CFAP44: variants seen among roughly 807,000 people sequenced by gnomAD.
CFAP44 encodes the protein cilia- and flagella-associated protein 44.
CFAP44 carries 134 observed loss-of-function variants against 216.2 expected under a neutral mutation model. That is an observed-to-expected ratio of 0.62 (90% CI 0.54 to 0.72). CFAP44 has a LOEUF of 0.72. Among genes scored for constraint, CFAP44 ranks in the 30% least tolerant of loss-of-function variants. The probability of loss-of-function intolerance (pLI) is 0.00; values close to 1 mark genes in which losing one functional copy is unlikely to be tolerated. For missense variants in CFAP44, 2,035 were observed against 2,182.1 expected (o/e 0.93, Z 1.34); for synonymous variants, 700 against 727.6 (o/e 0.96, Z 0.61).
At chr3:113,419,974 A>G (rs764131000) in intron 5 of CFAP44, 43 bp downstream of exon 5, 1 of 1,599,554 alleles carries the variant, frequency 6.3e-7, no homozygotes, top group South Asian at 1.1e-5. Flanking sequence ...AAGCAAAAAG[A>G]TAGGGTTTTT....
intron 34 of CFAP44, chr3:113,294,206 C>A: frequency 2.8e-6 from 1 of 357,184 alleles, no homozygotes; most frequent in Non-Finnish European, 5.5e-6. Context: ...CCACCACATA[C>A]AATGTATTAA....
chr3:113,304,876 C>T (rs1949970276), intron 31 of CFAP44, among the ~76,000 whole-genome samples, 160 bp downstream of exon 31: 1 of 152,214 alleles, frequency 6.6e-6, no homozygotes, highest in South Asian at 2.1e-4. Context: ...TTATAACAAT[C>T]TGACAGTGGA....
chr3:113,312,137 TTGCCACTCACTGCAAGCTC>T (rs1467662979), intron 28 of CFAP44, among the ~76,000 whole-genome samples: 1 of 149,774 alleles, frequency 6.7e-6, no homozygotes, highest in Non-Finnish European at 1.5e-5. Flanking sequence ...AGTGGCACCA[TTGCCACTCACTGCAAGCTC>T]TGCCTCCTGG....
intron 22 of CFAP44, among the ~76,000 whole-genome samples, chr3:113,353,772 G>T (rs1345086468): frequency 6.6e-6 from 1 of 152,202 alleles, no homozygotes; most frequent in African/African-American, 2.4e-5. Context: ...GAGTCAGAGA[G>T]AGAGAACCAG....
In CFAP44 at chr3:113,373,124, T is replaced by C. The variant is rs890493904; in HGVS notation, c.2444+287A>G. On this transcript the variant is annotated intron_variant, in intron 18 of 34. Coordinates refer to ENST00000393845, the MANE Select transcript of CFAP44 (RefSeq NM_001164496.2). ...CCAGAATAACTGTAACCCTGAACCT[T>C]CATTTCTGACTATGTAAGTAGCATC... is the stretch of plus-strand genomic sequence containing the variant. 8.0e-4 allele frequency among the ~76,000 whole-genome samples: 122 copies of C among 152,224 alleles called. 2 individuals are homozygous for C. The highest frequency in any genetic ancestry group is 8.0e-3 in the Admixed American group (122 of 15,278).
rs1576586772 is a variant in CFAP44 at position 113,392,769 on chromosome 3, T to C, written c.1890+2981A>G. On this transcript the variant is annotated intron_variant, in intron 15 of 34. Coordinates refer to ENST00000393845, the MANE Select transcript of CFAP44 (RefSeq NM_001164496.2). ...ATTCTGGCTTTAGTGACAGGGAAAATGAAGTCCAAGAATAATACGGGAGGA... is the reference window on the plus strand; with the variant it reads ...ATTCTGGCTTTAGTGACAGGGAAAACGAAGTCCAAGAATAATACGGGAGGA... 2.0e-5 allele frequency among the ~76,000 whole-genome samples: 3 copies of C among 152,114 alleles called. No homozygotes were observed. The East Asian group carries it at 5.8e-4, about 29-fold the overall frequency.
intron 28 of CFAP44, among the ~76,000 whole-genome samples, chr3:113,312,157 T>C (rs529854793): frequency 2.0e-5 from 3 of 150,658 alleles, no homozygotes; most frequent in South Asian, 4.2e-4. Flanking sequence ...CTGCAAGCTC[T>C]GCCTCCTGGG....
At chr3:113,325,635 T>C (rs1424912041) in intron 28 of CFAP44, among the ~76,000 whole-genome samples, 2 of 152,042 alleles carry the variant, frequency 1.3e-5, no homozygotes, top group African/African-American at 4.8e-5. Context: ...AGATACCAGT[T>C]GTCTCCAAGT....
intron 22 of CFAP44, among the ~76,000 whole-genome samples, chr3:113,358,489 C>A (rs11715515): frequency 0.075 from 11,423 of 151,928 alleles, 594 homozygotes; most frequent in Non-Finnish European, 0.11. Context: ...AATAATTCAT[C>A]AAAACAAAGT....
In CFAP44 at chr3:113,416,509, AT is replaced by A; in HGVS notation, c.673+15del. ...ATCCTTGAACATGAAATATTTAAAT[AT>A]GCTTCTGGACTCACCTCGAAGGACT... On this transcript the variant is annotated intron_variant, in intron 6 of 34. Transcript: ENST00000393845. 6.5e-7 allele frequency: 1 copy of A among 1,547,012 alleles called. No homozygotes were observed. Among genetic ancestry groups the A allele is most frequent in the African/African-American group, 1.4e-5 (1 of 73,070 alleles).
rs1301982335 is a variant in CFAP44, at chr3:113,437,763, T to C, written c.-6+3690A>G. 7.9e-5 allele frequency among the ~76,000 whole-genome samples: 12 copies of C among 152,124 alleles called. No individual in the cohort carries two copies. In the East Asian group the frequency reaches 1.9e-3, roughly 24 times the overall value. On this transcript the variant is annotated intron_variant, in intron 1 of 34. Coordinates refer to ENST00000393845, the MANE Select transcript of CFAP44 (RefSeq NM_001164496.2). ...GAGATTATCAGTATAACTGGTAAGG[T>C]AGAATAAGGTATTTTTGGTTTTTTG... is the stretch of plus-strand genomic sequence containing the variant.
intron 14 of CFAP44, 76 bp downstream of exon 14, chr3:113,396,442 T>C (rs1404282212): frequency 6.2e-6 from 9 of 1,441,726 alleles, no homozygotes; most frequent in Admixed American, 2.1e-5. Context: ...AAATAAGACA[T>C]GATGAAGTAG....
In CFAP44 at chr3:113,363,255, C is replaced by T. The variant is rs1950558353; in HGVS notation, c.2824G>A (p.Gly942Arg). 1 of 1,612,282 alleles carries T rather than the reference C, an allele frequency of 6.2e-7. No individual in the cohort carries two copies. Reference sequence around the variant, plus strand: ...TCTCTCTTCCGTGCCTTTATTTCTCCCACTTCTTTCATTAACTTGTCATGT... The same window carrying T: ...TCTCTCTTCCGTGCCTTTATTTCTCTCACTTCTTTCATTAACTTGTCATGT... ...REHDKLMKEV[G>R]EIKARKREQI... The change falls in exon 21 of 35, where the codon GGA becomes AGA. Residue 942 changes from glycine (G) to arginine (R), a missense_variant. Gly to Arg is a moderately radical substitution (Grantham distance 125). Coordinates refer to ENST00000393845, the MANE Select transcript of CFAP44 (RefSeq NM_001164496.2).
intron 28 of CFAP44, among the ~76,000 whole-genome samples, chr3:113,310,482 C>T (rs908024100): frequency 1.3e-5 from 2 of 152,194 alleles, no homozygotes; most frequent in African/African-American, 2.4e-5. Context: ...ACTCCCATCC[C>T]TTTCCTTGTC....
At chr3:113,299,302 A>G (rs1210979456) in intron 32 of CFAP44, among the ~76,000 whole-genome samples, 1 of 152,226 alleles carries the variant, frequency 6.6e-6, no homozygotes, top group African/African-American at 2.4e-5. Context: ...GCAAACAGGT[A>G]CATGAAAAGG....
intron 26 of CFAP44, among the ~76,000 whole-genome samples, chr3:113,328,221 T>C (rs1040338632): frequency 1.3e-5 from 2 of 151,172 alleles, no homozygotes; most frequent in East Asian, 3.9e-4. Flanking sequence ...ACTTCTTATG[T>C]TGAAAATTTT....
At chr3:113,437,259 A>G (rs1935259940) in intron 1 of CFAP44, among the ~76,000 whole-genome samples, 1 of 152,200 alleles carries the variant, frequency 6.6e-6, no homozygotes, top group Non-Finnish European at 1.5e-5. Flanking sequence ...TCATGAGATC[A>G]CTTTCTACTT....
intron 1 of CFAP44, among the ~76,000 whole-genome samples, chr3:113,435,581 T>C (rs113655085): frequency 0.012 from 1,853 of 151,492 alleles, 28 homozygotes; most frequent in African/African-American, 0.042. Context: ...AAATTTTAAA[T>C]GGCCAGGCAT....
intron 33 of CFAP44, among the ~76,000 whole-genome samples, chr3:113,295,227 A>G (rs1482251510): frequency 6.6e-6 from 1 of 152,160 alleles, no homozygotes; most frequent in South Asian, 2.1e-4. Flanking sequence ...GTGGCCACAC[A>G]TCTGTATAAT....
Sources: gnomAD v4.1 joint callset for allele counts (sites outside exome capture counted in the v4.1 genomes callset) on GRCh38, gnomAD v4.1.1 for gene constraint, MANE v1.5 for transcripts, NCBI Gene and HGNC (gene_info 2026-07-23, HGNC 2026-07-21) for gene names.